PLXNC1: variants seen among roughly 807,000 people sequenced by gnomAD.
PLXNC1 encodes plexin-C1.
Under a neutral mutation model 178.2 loss-of-function variants are expected in PLXNC1, and 75 were observed. The ratio of observed to expected loss-of-function variants is 0.42; its 90% confidence interval spans 0.35 to 0.51. The LOEUF (loss-of-function observed/expected upper bound fraction) is 0.51, where lower values mean the gene tolerates loss of function less well. Ranked by LOEUF, PLXNC1 falls within the 20% of genes least tolerant of loss-of-function variation. The pLI is 0.02. For synonymous variants in PLXNC1, 790 were observed against 779.9 expected, an observed-to-expected ratio of 1.01 and a Z score of -0.22; for missense variants, 1,503 against 1,984.4, an observed-to-expected ratio of 0.76 and a Z score of 4.61.
intron 28 of PLXNC1, among the ~76,000 whole-genome samples, chr12:94,301,995 AC>A (rs1193703505): frequency 6.6e-6 from 1 of 151,962 alleles, no homozygotes; most frequent in Admixed American, 6.6e-5. Context: ...TCCCGTCCCT[AC>A]TGGGATAACT....
intron 5 of PLXNC1, among the ~76,000 whole-genome samples, chr12:94,217,171 T>G (rs939337315): frequency 6.6e-6 from 1 of 152,104 alleles, no homozygotes; most frequent in Non-Finnish European, 1.5e-5. Flanking sequence ...CACTGTAAGG[T>G]CCTCATCTAA....
intron 21 of PLXNC1, among the ~76,000 whole-genome samples, chr12:94,267,709 A>T (rs1367734226): frequency 6.6e-6 from 1 of 152,172 alleles, no homozygotes; most frequent in Non-Finnish European, 1.5e-5. Context: ...AAGGCACATG[A>T]TCCGTTCTAT....
chr12:94,152,383 A>T (rs1960994050), intron 1 of PLXNC1, among the ~76,000 whole-genome samples: 6 of 152,234 alleles, frequency 3.9e-5, no homozygotes, highest in Admixed American at 3.9e-4. Context: ...TAGTGTAAGC[A>T]ATGCTCTGTG....
chr12:94,304,006 G>T lies in PLXNC1; in HGVS notation c.4557G>T (p.Val1519=). Residue 1519 remains valine (V), a synonymous_variant, in exon 30 of 31, where the codon GTG becomes GTT. Transcript: ENST00000258526. ...ATGAAAATGAATTTAATGAAGAAGT[G>T]GCCTTGACAGAAATTTACAAATACA... The part of the protein sequence containing the change: ...KKHENEFNEE[V]ALTEIYKYIV... 1 of 1,593,578 alleles carries T rather than the reference G, an allele frequency of 6.3e-7. No homozygotes were observed.
chr12:94,294,805 A>G (rs1412828248), intron 24 of PLXNC1, among the ~76,000 whole-genome samples: 1 of 152,222 alleles, frequency 6.6e-6, no homozygotes, highest in East Asian at 1.9e-4. Context: ...AACTCAGGGC[A>G]GAATCTCATA....
intron 17 of PLXNC1, among the ~76,000 whole-genome samples, chr12:94,258,865 G>A (rs1964923859): frequency 6.6e-6 from 1 of 152,262 alleles, no homozygotes; most frequent in Non-Finnish European, 1.5e-5. Context: ...GTTTGGTCCA[G>A]ATTCTATGCT....
At chr12:94,238,690 C>A (rs1192432979) in intron 10 of PLXNC1, among the ~76,000 whole-genome samples, 6 of 152,194 alleles carry the variant, frequency 3.9e-5, no homozygotes, top group Non-Finnish European at 4.4e-5. Context: ...TGATTTTTAA[C>A]TACTAAAACA....
rs549925023 is a variant in PLXNC1 at position 94,150,110 on chromosome 12, G to T, written c.1062+77G>T. 262 of 1,209,716 alleles carry T rather than the reference G, an allele frequency of 2.2e-4. 1 individual carries two copies. The South Asian group carries it at 4.0e-3, about 19-fold the overall frequency. The allele number at this position is 1,209,716 out of a possible 1,614,324, so 74.9% of individuals were successfully genotyped here. A position where few individuals can be genotyped will look rare whatever the true frequency, so the allele number is the denominator to read the frequency against. ...CGCCGCCGCCGAGGCAGAACGAGCT[G>T]GGGGCGAGCGGCGGGGCGGGGGTAC... On this transcript the variant is annotated intron_variant, in intron 1 of 30. Coordinates refer to ENST00000258526, the MANE Select transcript of PLXNC1 (RefSeq NM_005761.3).
intron 12 of PLXNC1, among the ~76,000 whole-genome samples, chr12:94,245,397 G>A (rs2136058782): frequency 6.6e-6 from 1 of 152,310 alleles, no homozygotes; most frequent in East Asian, 1.9e-4. Flanking sequence ...ATTGAAAGTT[G>A]AGGCTGGGTG....
intron 12 of PLXNC1, among the ~76,000 whole-genome samples, chr12:94,247,597 G>T (rs1276813150): frequency 6.6e-6 from 1 of 152,042 alleles, no homozygotes; most frequent in Non-Finnish European, 1.5e-5. Flanking sequence ...TTTTCCCATG[G>T]CATAACCTTC....
chr12:94,149,451 C>G lies in PLXNC1; in HGVS notation c.480C>G (p.Gly160=). 6.8e-7 allele frequency: 1 copy of G among 1,465,672 alleles called. No individual in the cohort carries two copies. Among genetic ancestry groups the G allele is most frequent in the East Asian group, 2.6e-5 (1 of 38,564 alleles). 90.8% of individuals were successfully genotyped at this position (1,465,672 alleles called of 1,614,324 possible). ...GTEVVSCHPQ[G]STAGVVYRAG... is the part of the protein sequence containing the mutation. ...AGGTGGTGTCGTGCCACCCGCAGGG[C>G]TCGACGGCCGGCGTGGTGTACCGCG... is the stretch of plus-strand genomic sequence containing the variant. Residue 160 remains glycine (G), a synonymous_variant, in exon 1 of 31, where the codon GGC becomes GGG. Coordinates refer to ENST00000258526, the MANE Select transcript of PLXNC1 (RefSeq NM_005761.3).
chr12:94,279,400 T>C, intron 21 of PLXNC1, 72 bp from the exon 22 acceptor site: 1 of 1,370,672 alleles, frequency 7.3e-7, no homozygotes, highest in Non-Finnish European at 1.0e-6. Flanking sequence ...TGCTAAGGTT[T>C]GTGTCTTTTA....
intron 17 of PLXNC1, among the ~76,000 whole-genome samples, chr12:94,256,675 T>G (rs969887096): frequency 2.0e-5 from 3 of 152,132 alleles, no homozygotes; most frequent in Non-Finnish European, 2.9e-5. Context: ...AACGGAGATT[T>G]TTGACTATCA....
rs1451603503 is a variant in PLXNC1, at chr12:94,148,928, C to A, written c.-44C>A. The A allele has an allele frequency of 1.3e-6, 1 of 795,464 alleles. No individual in the cohort carries two copies. The highest frequency in any genetic ancestry group is 1.6e-6 in the Non-Finnish European group (1 of 613,138). 49.3% of individuals were successfully genotyped at this position (795,464 alleles called of 1,614,324 possible). ...CTCCGTTGCCGCGCGCCTGAGCCGC[C>A]GTCGCCGCCGCGCGCCCTGCCCGGG... is the stretch of plus-strand genomic sequence containing the variant. On this transcript the variant is annotated 5_prime_UTR_variant, in exon 1 of 31. Coordinates refer to ENST00000258526, the MANE Select transcript of PLXNC1 (RefSeq NM_005761.3). This position sits in a 1 kb window ranked among gnomAD's most constrained non-coding sequence, Gnocchi z 4.8.
At chr12:94,159,197 AT>A (rs1961286002) in intron 1 of PLXNC1, among the ~76,000 whole-genome samples, 1 of 152,344 alleles carries the variant, frequency 6.6e-6, no homozygotes, top group Non-Finnish European at 1.5e-5. Context: ...TTACATTAAG[AT>A]GATAGCTAAA....
chr12:94,271,587 C>A (rs940694995), intron 21 of PLXNC1, among the ~76,000 whole-genome samples: 1 of 152,206 alleles, frequency 6.6e-6, no homozygotes, highest in African/African-American at 2.4e-5. Context: ...AGCCACTTTA[C>A]TCTGGGCAAG....
intron 4 of PLXNC1, among the ~76,000 whole-genome samples, chr12:94,195,833 C>T (rs1007199859): frequency 6.6e-6 from 1 of 152,198 alleles, no homozygotes; most frequent in African/African-American, 2.4e-5. Context: ...TTGGGAATAA[C>T]AGAAGGGTAT....
intron 1 of PLXNC1, among the ~76,000 whole-genome samples, chr12:94,152,050 A>C (rs1425817109): frequency 2.0e-5 from 3 of 152,196 alleles, no homozygotes; most frequent in Admixed American, 2.0e-4. Context: ...ATTTATCAAG[A>C]ACTCCCAGTG....
intron 23 of PLXNC1, among the ~76,000 whole-genome samples, chr12:94,291,735 C>T (rs1967345683): frequency 6.6e-6 from 1 of 152,166 alleles, no homozygotes; most frequent in Admixed American, 6.5e-5. Flanking sequence ...TACGATCTGT[C>T]TATATAAATT....
Sources: allele counts gnomAD v4.1 joint callset (sites outside exome capture counted in the v4.1 genomes callset), GRCh38; gene constraint gnomAD v4.1.1; non-coding constraint Gnocchi (gnomAD v3.1); transcripts MANE v1.5; gene names NCBI Gene and HGNC (gene_info 2026-07-23, HGNC 2026-07-21).